The following SV2C variants were observed in gnomAD, a reference collection of about 807,000 sequenced individuals.
SV2C encodes synaptic vesicle glycoprotein 2C.
A neutral mutation model predicts 79.7 loss-of-function variants in SV2C; 49 were observed. The observed-to-expected ratio is 0.61, with a 90% CI of 0.49 to 0.78. SV2C has a LOEUF of 0.78. SV2C is among the 30% of genes least tolerant of loss of function. The pLI is 0.00. For missense variants in SV2C, 833 were observed against 912.9 expected (o/e 0.91, Z 1.13); for synonymous variants, 334 against 333.2 (o/e 1.00, Z -0.03).
chr5:76,197,985 G>A (rs1744325060), intron 3 of SV2C, among the ~76,000 whole-genome samples: 1 of 152,162 alleles, frequency 6.6e-6, no homozygotes, highest in African/African-American at 2.4e-5. Flanking sequence ...GTTGTCCAAG[G>A]ACAGGAGAGG....
At chr5:76,170,393 A>C (rs1743185271) in intron 2 of SV2C, among the ~76,000 whole-genome samples, 1 of 116,832 alleles carries the variant, frequency 8.6e-6, no homozygotes, top group South Asian at 3.3e-4. Context: ...TGAAACAATC[A>C]CTAACAGGCA....
intron 2 of SV2C, chr5:76,174,254 C>A (rs934402257): frequency 2.0e-5 from 30 of 1,491,720 alleles, no homozygotes; most frequent in Non-Finnish European, 2.8e-5. Context: ...CAGCCAGCGT[C>A]GCCCCGTGCT....
At chr5:76,308,492 A>T (rs1748288767) in intron 12 of SV2C, among the ~76,000 whole-genome samples, 1 of 152,212 alleles carries the variant, frequency 6.6e-6, no homozygotes, top group Non-Finnish European at 1.5e-5. Flanking sequence ...TGTAGCTGGC[A>T]GTTGAGCTAC....
intron 2 of SV2C, among the ~76,000 whole-genome samples, chr5:76,184,459 G>A (rs1743846625): frequency 6.6e-6 from 1 of 152,218 alleles, no homozygotes; most frequent in Admixed American, 6.5e-5. Context: ...ACTTGTATTA[G>A]TCCGTTCTCA....
At chr5:76,012,076 C>A in the SV2C span, among the ~76,000 whole-genome samples, 1 of 152,092 alleles carries the variant, frequency 6.6e-6, no homozygotes, top group African/African-American at 2.4e-5. Flanking sequence ...TATACATGTG[C>A]ATGTGTCTTT....
intron 12 of SV2C, among the ~76,000 whole-genome samples, chr5:76,307,137 C>G (rs564121959): frequency 1.3e-5 from 2 of 152,316 alleles, no homozygotes; most frequent in South Asian, 2.1e-4. Context: ...AGGTTTACAG[C>G]TTTTGCCAAA....
chr5:76,107,154 C>A (rs1245155224), intron 1 of SV2C, among the ~76,000 whole-genome samples: 5 of 152,170 alleles, frequency 3.3e-5, no homozygotes, highest in Admixed American at 2.0e-4. Flanking sequence ...CAATATTAGA[C>A]TTCTCAAGAA....
chr5:75,929,313 G>T, the SV2C span, among the ~76,000 whole-genome samples: 2 of 151,810 alleles, frequency 1.3e-5, no homozygotes, highest in African/African-American at 4.8e-5. Flanking sequence ...ATACTCCACA[G>T]TCAGGACCCT....
chr5:76,079,344 T>C, upstream of SV2C: 1 of 311,378 alleles, frequency 3.2e-6, no homozygotes, highest in South Asian at 4.1e-5. Flanking sequence ...CAAATGGTGA[T>C]TGATGGATGT....
At chr5:75,907,261 C>T in the SV2C span, among the ~76,000 whole-genome samples, 1 of 152,186 alleles carries the variant, frequency 6.6e-6, no homozygotes, top group African/African-American at 2.4e-5. Flanking sequence ...GGAGCTCAGA[C>T]TCTTTTGACT....
chr5:75,973,901 C>CA, the SV2C span, among the ~76,000 whole-genome samples: 5 of 151,870 alleles, frequency 3.3e-5, no homozygotes, highest in Non-Finnish European at 5.9e-5. Flanking sequence ...CATCTAGGAA[C>CA]ATTGATTATC....
the SV2C span, among the ~76,000 whole-genome samples, chr5:75,936,574 A>C: frequency 6.6e-6 from 1 of 152,176 alleles, no homozygotes; most frequent in Non-Finnish European, 1.5e-5. Flanking sequence ...ACAGTGACAT[A>C]TGGGGTGGGC....
At chr5:75,890,957 C>G in the SV2C span, among the ~76,000 whole-genome samples, 2 of 152,020 alleles carry the variant, frequency 1.3e-5, no homozygotes, top group African/African-American at 4.8e-5. Flanking sequence ...TTACTGCAAT[C>G]TCATTTTCTC....
the SV2C span, among the ~76,000 whole-genome samples, chr5:75,912,577 C>A: frequency 6.6e-6 from 1 of 152,154 alleles, no homozygotes; most frequent in Admixed American, 6.5e-5. Flanking sequence ...AAATATGCAA[C>A]TATTGGAGCA....
intron 1 of SV2C, among the ~76,000 whole-genome samples, chr5:76,106,827 A>AT (rs1028896760): frequency 9.2e-5 from 14 of 152,076 alleles, no homozygotes; most frequent in African/African-American, 3.1e-4. Context: ...TTCATAGCAT[A>AT]TATCATCTTC....
At chr5:76,231,410 G>A (rs1172232542) in intron 4 of SV2C, among the ~76,000 whole-genome samples, 1 of 151,760 alleles carries the variant, frequency 6.6e-6, no homozygotes, top group Non-Finnish European at 1.5e-5. Flanking sequence ...ACTGAGGCTT[G>A]CTGCAGCTCA....
At chr5:76,282,531 T>G (rs1747229824) in intron 4 of SV2C, among the ~76,000 whole-genome samples, 1 of 152,232 alleles carries the variant, frequency 6.6e-6, no homozygotes, top group Admixed American at 6.5e-5. Flanking sequence ...TTTGTGATTG[T>G]CTATTGTTTT....
chr5:76,115,447 AGCAC>A (rs1748233225), intron 1 of SV2C, among the ~76,000 whole-genome samples: 1 of 152,226 alleles, frequency 6.6e-6, no homozygotes, highest in Non-Finnish European at 1.5e-5. Context: ...ATACGTATCA[AGCAC>A]CTACCAGGTA....
intron 3 of SV2C, among the ~76,000 whole-genome samples, chr5:76,197,903 C>T (rs770968070): frequency 7.9e-5 from 12 of 152,148 alleles, no homozygotes; most frequent in South Asian, 2.1e-4. Flanking sequence ...CATTCCAAGG[C>T]TAAAGGCCTA....
Sources: allele counts gnomAD v4.1 joint callset (sites outside exome capture counted in the v4.1 genomes callset), GRCh38; gene constraint gnomAD v4.1.1; transcripts MANE v1.5; gene names NCBI Gene and HGNC (gene_info 2026-07-23, HGNC 2026-07-21).